The following TNRC18 variants were observed in gnomAD, a reference collection of about 807,000 sequenced individuals.
The protein encoded by TNRC18 is trinucleotide repeat containing 18, also known as trinucleotide repeat-containing gene 18 protein.
In TNRC18, 69 loss-of-function variants were observed where a neutral mutation model predicts 226.7. The observed-to-expected ratio is 0.30, with a 90% CI of 0.25 to 0.37. TNRC18 has a LOEUF of 0.37. Ranked by LOEUF, TNRC18 falls within the 10% of genes least tolerant of loss-of-function variation. The pLI is 1.00. For synonymous variants in TNRC18, 2,449 were observed against 1,927.6 expected (o/e 1.27, Z -7.09); for missense variants, 4,754 against 4,256.6 (o/e 1.12, Z -3.25).
At chr7:5,349,979 G>A (rs757525856) in intron 17 of TNRC18, among the ~76,000 whole-genome samples, 11 of 152,242 alleles carry the variant, frequency 7.2e-5, no homozygotes, top group African/African-American at 2.6e-4. Flanking sequence ...TTGGCACTGC[G>A]GCGCCAGCCC....
At chr7:5,374,819 G>A (rs1336467500) in intron 9 of TNRC18, among the ~76,000 whole-genome samples, 2 of 152,236 alleles carry the variant, frequency 1.3e-5, no homozygotes, top group East Asian at 1.9e-4. Context: ...CAGATGGGGG[G>A]CACAAGGCCC....
At chr7:5,343,516 G>A (rs370788128) in intron 18 of TNRC18, among the ~76,000 whole-genome samples, 22 of 152,170 alleles carry the variant, frequency 1.4e-4, no homozygotes, top group African/African-American at 2.6e-4. Context: ...TCGACCTCCC[G>A]AGCTCCAGTG....
At chr7:5,408,306 A>AG (rs1308490443) in intron 2 of TNRC18, among the ~76,000 whole-genome samples, 2 of 151,658 alleles carry the variant, frequency 1.3e-5, no homozygotes, top group African/African-American at 4.8e-5. Context: ...CTCAAAAAAA[A>AG]AAAAAAAAAA....
chr7:5,332,502 G>C (rs1272989110), intron 19 of TNRC18, 120 bp downstream of exon 19: 1 of 1,171,778 alleles, frequency 8.5e-7, no homozygotes, highest in South Asian at 1.5e-5. Flanking sequence ...GGCGGGCCTG[G>C]AGCCGAGTAC....
At chr7:5,339,342 C>T (rs1230321734) in intron 18 of TNRC18, among the ~76,000 whole-genome samples, 3 of 150,978 alleles carry the variant, frequency 2.0e-5, no homozygotes, top group Non-Finnish European at 2.9e-5. Context: ...CAGGCTCAAG[C>T]GATTCTTATG....
At position 5,359,458 on chromosome 7, in the gene TNRC18, T is replaced by A; in HGVS notation, c.4773A>T (p.Lys1591Asn). ...CCCAAGTCTGGTTCCTCCCCCTGGC[T>A]TTCCCCATTCCGATGAGGGCATCAT... is the stretch of plus-strand genomic sequence containing the variant. The part of the protein sequence containing the change: ...EEHDALIGMG[K>N]ARGRNQTWDE... Residue 1591 changes from lysine to asparagine, a missense_variant, in exon 15 of 30, where the codon AAA becomes AAT. Physicochemically the swap from Lys to Asn is moderately conservative, Grantham distance 94. Transcript: ENST00000430969. 8 of 1,614,032 alleles carry A rather than the reference T, an allele frequency of 5.0e-6. No homozygotes were observed. Among genetic ancestry groups the A allele is most frequent in the Non-Finnish European group, 6.8e-6 (8 of 1,179,890 alleles).
At chr7:5,350,764 G>A (rs961657689) in intron 17 of TNRC18, among the ~76,000 whole-genome samples, 1 of 152,180 alleles carries the variant, frequency 6.6e-6, no homozygotes, top group Non-Finnish European at 1.5e-5. Flanking sequence ...TCAGGGGCCT[G>A]GCAGCTCTCT....
At position 5,347,156 on chromosome 7, in the gene TNRC18, G is replaced by A. The variant is rs4073800; in HGVS notation, c.5471-1346C>T. On this transcript the variant is annotated intron_variant, in intron 17 of 29. Coordinates refer to ENST00000430969, the MANE Select transcript of TNRC18 (RefSeq NM_001080495.3). Reference sequence around the variant, plus strand: ...CTAGGAGTTCAAGACCAGCCTGGGCGACAGAGCAAACCTTGTCTCTACAAA... The same window carrying A: ...CTAGGAGTTCAAGACCAGCCTGGGCAACAGAGCAAACCTTGTCTCTACAAA... Among the ~76,000 whole-genome samples, 9 of 150,458 alleles carry A rather than the reference G, an allele frequency of 6.0e-5. No homozygotes were observed. In the East Asian group the frequency reaches 9.8e-4, roughly 16 times the overall value.
intron 2 of TNRC18, among the ~76,000 whole-genome samples, chr7:5,395,083 C>T (rs1047496139): frequency 2.6e-5 from 4 of 152,198 alleles, no homozygotes; most frequent in Non-Finnish European, 5.9e-5. Context: ...AGAGAATCAC[C>T]TCCCACAGCA....
At chr7:5,389,561 T>C in intron 4 of TNRC18, 1 of 376,126 alleles carries the variant, frequency 2.7e-6, no homozygotes, top group Non-Finnish European at 4.3e-6. Flanking sequence ...TTCAAGCGAT[T>C]CTCCTGCCTC....
At chr7:5,357,398 C>T (rs1792554172) in intron 15 of TNRC18, 122 bp from the exon 16 acceptor site, 2 of 1,070,182 alleles carry the variant, frequency 1.9e-6, no homozygotes, top group East Asian at 2.6e-5. Flanking sequence ...TTTAACTCCT[C>T]TTAGCACGCA....
At chr7:5,334,913 G>T (rs1393725810) in intron 18 of TNRC18, among the ~76,000 whole-genome samples, 1 of 152,086 alleles carries the variant, frequency 6.6e-6, no homozygotes, top group Non-Finnish European at 1.5e-5. Context: ...CACACAGCAG[G>T]GAAGGTGGGG....
chr7:5,370,441 G>A lies in TNRC18; in HGVS notation c.4153C>T (p.His1385Tyr). The change falls in exon 11 of 30, where the codon CAT becomes TAT. Residue 1385 changes from histidine to tyrosine, a missense_variant. Physicochemically the swap from His to Tyr is moderately conservative, Grantham distance 83. Coordinates refer to ENST00000430969, the MANE Select transcript of TNRC18 (RefSeq NM_001080495.3). ...ATCTCACTTAGCAGGGTGATGCCAT[G>A]CAGGAAGCTCTGCTCCAAGACAAGG... ...ESLVLEQSFL[H>Y]GITLLSEIAE... 1 of 1,560,224 alleles carries A rather than the reference G, an allele frequency of 6.4e-7. No homozygotes were observed.
chr7:5,396,688 G>A (rs901863473), intron 2 of TNRC18, among the ~76,000 whole-genome samples: 3 of 152,164 alleles, frequency 2.0e-5, no homozygotes, highest in Middle Eastern at 3.4e-3. Context: ...AGCCCCCAGC[G>A]GAGGGATTCC....
At chr7:5,420,712 G>C (rs1244881113) in intron 2 of TNRC18, 1 of 541,188 alleles carries the variant, frequency 1.8e-6, no homozygotes, top group African/African-American at 1.9e-5. Flanking sequence ...GCGGGGTGCG[G>C]GGGCCGGTTT....
chr7:5,327,372 C>CGT (rs5882054), intron 19 of TNRC18, among the ~76,000 whole-genome samples: 8,677 of 142,676 alleles, frequency 0.061, 287 homozygotes, highest in African/African-American at 0.1. Flanking sequence ...TGTGTTTGTG[C>CGT]GTGTGTGTGT....
intron 5 of TNRC18, among the ~76,000 whole-genome samples, chr7:5,383,939 C>T (rs976123202): frequency 1.3e-5 from 2 of 149,464 alleles, no homozygotes; most frequent in Non-Finnish European, 3.0e-5. Flanking sequence ...ACTACAGGCA[C>T]ACCAGCATAC....
At chr7:5,361,867 C>A in intron 13 of TNRC18, 30 bp downstream of exon 13, 1 of 1,524,082 alleles carries the variant, frequency 6.6e-7, no homozygotes, top group Non-Finnish European at 8.8e-7. Flanking sequence ...GGGGCAGGGG[C>A]CCCACGGGGC....
intron 17 of TNRC18, 25 bp from the exon 18 acceptor site, chr7:5,345,835 A>T: frequency 6.5e-7 from 1 of 1,531,872 alleles, no homozygotes; most frequent in African/African-American, 1.4e-5. Context: ...ACAGGGACCG[A>T]GTCAGAGCCT....
Sources: allele counts gnomAD v4.1 joint callset (sites outside exome capture counted in the v4.1 genomes callset), GRCh38; gene constraint gnomAD v4.1.1; transcripts MANE v1.5; gene names NCBI Gene and HGNC (gene_info 2026-07-23, HGNC 2026-07-21).